Variants in HARS1 observed in about 807,000 individuals in gnomAD.
HARS1 encodes the protein histidyl-tRNA synthetase 1.
A neutral mutation model predicts 63.6 loss-of-function variants in HARS1; 45 were observed. The observed-to-expected ratio is 0.71, with a 90% CI of 0.56 to 0.91. HARS1 has a LOEUF of 0.91. Ranked by LOEUF, HARS1 falls within the 40% of genes least tolerant of loss-of-function variation. The pLI is 0.00. For synonymous variants in HARS1, 205 were observed against 247.1 expected, an observed-to-expected ratio of 0.83 and a Z score of 1.60; for missense variants, 508 against 643.2, an observed-to-expected ratio of 0.79 and a Z score of 2.27.
At position 140,677,132 on chromosome 5, in the gene HARS1, TG is replaced by T. The variant is rs1211225445; in HGVS notation, c.824-17del. ...GATACCCCACCTGGGGAGACAGACT[TG>T]TGAGTGAGGCTGACAAGGAAACAAA... On this transcript the variant is annotated splice_polypyrimidine_tract_variant and intron_variant, in intron 8 of 12. Transcript: ENST00000504156. The T allele has an allele frequency of 6.8e-6, 11 of 1,613,362 alleles. No individual in the cohort carries two copies. The highest frequency in any genetic ancestry group is 8.5e-6 in the Non-Finnish European group (10 of 1,179,576).
intron 8 of HARS1, 91 bp from the exon 9 acceptor site, chr5:140,677,207 A>ATG (rs1382390966): frequency 2.4e-5 from 35 of 1,451,022 alleles, no homozygotes; most frequent in Non-Finnish European, 3.4e-5. Flanking sequence ...TCGCCCATGC[A>ATG]TGTGTGTGTA....
Position 140,677,710 on chromosome 5 carries a change from CCA to C in HARS1, c.672_673del (p.Cys224TrpfsTer4), listed in dbSNP as rs1758469143. The C allele has an allele frequency of 6.2e-7, 1 of 1,611,812 alleles. No individual in the cohort carries two copies. The highest frequency in any genetic ancestry group is 1.3e-5 in the African/African-American group (1 of 74,268). On this transcript the variant is annotated frameshift_variant, in exon 7 of 13. Coordinates refer to ENST00000504156, the MANE Select transcript of HARS1 (RefSeq NM_002109.6). LOFTEE classifies it high-confidence loss of function. ...GGTACGGAACTTGCTGTCAGAAACACCACAGATAGCAAACATCCCATCTAGAA... is the reference window on the plus strand; with the variant it reads ...GGTACGGAACTTGCTGTCAGAAACACCAGATAGCAAACATCCCATCTAGAA...
At chr5:140,678,617 G>T (rs1222423807) in intron 5 of HARS1, 4 of 166,776 alleles carry the variant, frequency 2.4e-5, no homozygotes, top group Non-Finnish European at 5.2e-5. Flanking sequence ...GGCCGAGGCA[G>T]GCGGATCATG....
At chr5:140,674,862 C>T in intron 11 of HARS1, 37 bp from the exon 12 acceptor site, 1 of 1,612,804 alleles carries the variant, frequency 6.2e-7, no homozygotes, top group Non-Finnish European at 8.5e-7. Context: ...AGGCTGGCTT[C>T]TGCTGTCCTC....
chr5:140,680,662 G>A (rs957362484), intron 3 of HARS1, among the ~76,000 whole-genome samples: 17 of 151,986 alleles, frequency 1.1e-4, no homozygotes, highest in Non-Finnish European at 1.8e-4. Context: ...TGGCCAACAT[G>A]GTGAAACCCT....
intron 2 of HARS1, 131 bp downstream of exon 2, chr5:140,690,724 C>T: frequency 1.5e-6 from 1 of 677,732 alleles, no homozygotes; most frequent in Non-Finnish European, 2.7e-6. Flanking sequence ...AGCCCAGCGC[C>T]CAGAGCGACT....
chr5:140,674,002 C>T lies in HARS1; in HGVS notation c.*255G>A, dbSNP rs1254116501. On this transcript the variant is annotated 3_prime_UTR_variant, in exon 13 of 13. Transcript: ENST00000504156. The stretch of plus-strand genomic sequence containing the variant: ...GCCCTGCAGATGGGACCATCTCAGG[C>T]TGGGTCCTTGTAGCCCAGGAGCACA... The T allele has an allele frequency of 8.5e-6, 5 of 589,804 alleles. No homozygotes were observed. Among genetic ancestry groups the T allele is most frequent in the Middle Eastern group, 9.1e-4 (2 of 2,188 alleles). 36.5% of individuals were successfully genotyped at this position (589,804 alleles called of 1,614,324 possible). A position where few individuals can be genotyped will look rare whatever the true frequency, so the allele number is the denominator to read the frequency against.
intron 2 of HARS1, among the ~76,000 whole-genome samples, chr5:140,688,657 A>G (rs970618568): frequency 5.3e-5 from 8 of 151,988 alleles, no homozygotes; most frequent in African/African-American, 1.9e-4. Flanking sequence ...ATCAGCTGAT[A>G]TGTCTATTTA....
chr5:140,676,547 G>T lies in HARS1; in HGVS notation c.1194+107C>A. 8.6e-7 allele frequency: 1 copy of T among 1,165,708 alleles called. No homozygotes were observed. The highest frequency in any genetic ancestry group is 1.2e-6 in the Non-Finnish European group (1 of 810,896). The allele number at this position is 1,165,708 out of a possible 1,614,324, so 72.2% of individuals were successfully genotyped here. On this transcript the variant is annotated intron_variant, in intron 10 of 12. Transcript: ENST00000504156. This position sits in a 1 kb window ranked among gnomAD's most constrained non-coding sequence, Gnocchi z 4.1. ...GAGCAATAATCTTTTCTCCATTTCT[G>T]TGAGATGCTCCCTGCCCAAAGCAGC... is the stretch of plus-strand genomic sequence containing the variant.
At chr5:140,678,958 A>C (rs372202036) in intron 5 of HARS1, 44 bp downstream of exon 5, 68 of 1,603,008 alleles carry the variant, frequency 4.2e-5, no homozygotes, top group Non-Finnish European at 5.5e-5. Flanking sequence ...GGCTTGAGAG[A>C]GCCCCAAGTA....
In HARS1 at chr5:140,674,809, T is replaced by C. The variant is rs1758262373; in HGVS notation, c.1328A>G (p.Lys443Arg). ...CTGGTTCAGTAGCTTTGGGTTCTTC[T>C]TGTACAGCAGCTCAGCCTGCAGGGG... ...DAGIKAELLY[K>R]KNPKLLNQLQ... is the part of the protein sequence containing the mutation. Residue 443 changes from lysine to arginine, a missense_variant, in exon 12 of 13, where the codon AAG (lysine) becomes AGG (arginine). Lys to Arg is a conservative substitution (Grantham distance 26). Around this residue, in one of 2 missense-constraint regions of HARS1, gnomAD observed 403 missense variants for 548.7 expected, o/e 0.73. Coordinates refer to ENST00000504156, the MANE Select transcript of HARS1 (RefSeq NM_002109.6). 5.6e-6 allele frequency: 9 copies of C among 1,614,204 alleles called. No homozygotes were observed. Among genetic ancestry groups the C allele is most frequent in the Non-Finnish European group, 7.6e-6 (9 of 1,180,036 alleles).
At chr5:140,674,456 C>A in intron 12 of HARS1, 128 bp from the exon 13 acceptor site, 1 of 820,400 alleles carries the variant, frequency 1.2e-6, no homozygotes, top group Non-Finnish European at 2.0e-6. Flanking sequence ...AATTAAACAC[C>A]TCAGGCTAGA....
At chr5:140,677,539 G>T in intron 7 of HARS1, 116 bp downstream of exon 7, 2 of 1,055,914 alleles carry the variant, frequency 1.9e-6, no homozygotes, top group Non-Finnish European at 1.5e-6. Flanking sequence ...ACATCCTGGG[G>T]CTAACCTTCC....
rs1561999337 is a variant in HARS1, at chr5:140,674,342, G to A, written c.1459-14C>T. ...TCGGACATCCACCTGGCCAGGATGG[G>A]AGAAGAAGGTGGTATAAGCATCTTC... On this transcript the variant is annotated splice_polypyrimidine_tract_variant and intron_variant, in intron 12 of 12. Transcript: ENST00000504156. 6.3e-7 allele frequency: 1 copy of A among 1,583,024 alleles called. No individual in the cohort carries two copies. The highest frequency in any genetic ancestry group is 2.2e-5 in the East Asian group (1 of 44,746).
intron 2 of HARS1, chr5:140,684,501 T>C: frequency 7.0e-6 from 5 of 715,830 alleles, no homozygotes; most frequent in Non-Finnish European, 8.6e-6. Flanking sequence ...TGGTAACAAC[T>C]CTATGACATA....
chr5:140,680,502 C>T (rs753255443), intron 3 of HARS1, among the ~76,000 whole-genome samples: 2 of 152,080 alleles, frequency 1.3e-5, no homozygotes, highest in African/African-American at 2.4e-5. Context: ...TACTTACTTC[C>T]TCCCTCATGT....
chr5:140,691,198 T>C lies in HARS1; in HGVS notation c.90+17A>G. 6.3e-7 allele frequency: 1 copy of C among 1,576,698 alleles called. No homozygotes were observed. The highest frequency in any genetic ancestry group is 8.6e-7 in the Non-Finnish European group (1 of 1,157,176). On this transcript the variant is annotated intron_variant, in intron 1 of 12. Coordinates refer to ENST00000504156, the MANE Select transcript of HARS1 (RefSeq NM_002109.6). ...CAGGCTTTGCCTTGGCCCTCTCCCCTGCTGCCTAAATCTCACCAGCTCGGC... is the reference window on the plus strand; with the variant it reads ...CAGGCTTTGCCTTGGCCCTCTCCCCCGCTGCCTAAATCTCACCAGCTCGGC...
chr5:140,684,824 CTATTA>C (rs1758925002), intron 2 of HARS1: 1 of 152,194 alleles, frequency 6.6e-6, no homozygotes, highest in Non-Finnish European at 1.5e-5. Flanking sequence ...AATAATATAT[CTATTA>C]TATGTTAACG....
At chr5:140,681,564 G>A (rs1223832083) in intron 3 of HARS1, among the ~76,000 whole-genome samples, 2 of 152,148 alleles carry the variant, frequency 1.3e-5, no homozygotes, top group South Asian at 2.1e-4. Flanking sequence ...AGCTACTTAG[G>A]AGACTGAGGC....
Sources: allele counts gnomAD v4.1 joint callset (sites outside exome capture counted in the v4.1 genomes callset), GRCh38; gene constraint gnomAD v4.1.1; regional missense constraint gnomAD v4.1.1; non-coding constraint Gnocchi (gnomAD v3.1); transcripts MANE v1.5; gene names NCBI Gene and HGNC (gene_info 2026-07-23, HGNC 2026-07-21).